FERMT3: variants seen among roughly 807,000 people sequenced by gnomAD.
FERMT3 encodes fermitin family homolog 3.
Under a neutral mutation model 80.8 loss-of-function variants are expected in FERMT3, and 33 were observed. That is an observed-to-expected ratio of 0.41 (90% CI 0.31 to 0.55). FERMT3 has a LOEUF of 0.55. Ranked by LOEUF, FERMT3 falls within the 20% of genes least tolerant of loss-of-function variation. The pLI is 0.31. For missense variants in FERMT3, 754 were observed against 908.7 expected, an observed-to-expected ratio of 0.83 and a Z score of 2.19; for synonymous variants, 375 against 372.2, an observed-to-expected ratio of 1.01 and a Z score of -0.09.
chr11:64,210,856 G>A lies in FERMT3; in HGVS notation c.394+12G>A, dbSNP rs375841962. The A allele has an allele frequency of 8.6e-4, 1,384 of 1,610,646 alleles. No homozygotes were observed. Among genetic ancestry groups the A allele is most frequent in the Non-Finnish European group, 1.1e-3 (1,313 of 1,179,946 alleles). On this transcript the variant is annotated intron_variant, in intron 3 of 14. Transcript: ENST00000345728. This position sits in a 1 kb window ranked among gnomAD's most constrained non-coding sequence, Gnocchi z 4.3. ...CTGCCGCCTCCTCAGTAAGTTGCCCGGCTGATTCCCCTGGCCCACGAGGGT... is the reference window on the plus strand; with the variant it reads ...CTGCCGCCTCCTCAGTAAGTTGCCCAGCTGATTCCCCTGGCCCACGAGGGT...
chr11:64,211,220 C>G lies in FERMT3; in HGVS notation c.514+49C>G, dbSNP rs1192857714. ...TGGGGGGTTGGGGGCAGGGGCCGGCCCGTGAGTCCCAGCCCTGGGGGACAG... is the reference window on the plus strand; with the variant it reads ...TGGGGGGTTGGGGGCAGGGGCCGGCGCGTGAGTCCCAGCCCTGGGGGACAG... On this transcript the variant is annotated intron_variant, in intron 4 of 14. Coordinates refer to ENST00000345728, the MANE Select transcript of FERMT3 (RefSeq NM_031471.6). This position sits in a 1 kb window ranked among gnomAD's most constrained non-coding sequence, Gnocchi z 4.7. 1.2e-6 allele frequency: 2 copies of G among 1,605,642 alleles called. No individual in the cohort carries two copies. The highest frequency in any genetic ancestry group is 1.7e-6 in the Non-Finnish European group (2 of 1,176,882).
In FERMT3 at chr11:64,211,300, G is replaced by A. The variant is rs748359903; in HGVS notation, c.540G>A (p.Gly180=). 6.2e-6 allele frequency: 10 copies of A among 1,613,318 alleles called. No individual in the cohort carries two copies. The South Asian group carries it at 6.6e-5, about 11-fold the overall frequency. The change falls in exon 5 of 15, where the codon GGG becomes GGA. Residue 180 remains glycine (G), a synonymous_variant. Coordinates refer to ENST00000345728, the MANE Select transcript of FERMT3 (RefSeq NM_031471.6). This position sits in a 1 kb window ranked among gnomAD's most constrained non-coding sequence, Gnocchi z 4.7. ...AGGVAPALFR[G]MPAHFSDSAQ... is the part of the protein sequence containing the mutation. ...GCGTGGCACCTGCACTGTTCCGGGG[G>A]ATGCCAGCTCACTTCTCGGACAGCG...
In FERMT3 at chr11:64,213,534, C is replaced by T. The variant is rs191687211; in HGVS notation, c.786+1787C>T. On this transcript the variant is annotated intron_variant, in intron 6 of 14. Transcript: ENST00000345728. ...TCCCAAAGTGCTGGGGTTATAGGAG[C>T]GAGCCACTGCGCCTGGCCTAATTTT... Among the ~76,000 whole-genome samples the T allele has an allele frequency of 3.1e-3, 444 of 144,126 alleles. 1 individual carries two copies. Among genetic ancestry groups the T allele is most frequent in the African/African-American group, 0.011 (411 of 38,668 alleles). 94.6% of individuals were successfully genotyped at this position (144,126 alleles called of 152,430 possible). A position where few individuals can be genotyped will look rare whatever the true frequency, so the allele number is the denominator to read the frequency against.
At chr11:64,214,271 C>T (rs1039224931) in intron 6 of FERMT3, among the ~76,000 whole-genome samples, 19 of 147,354 alleles carry the variant, frequency 1.3e-4, no homozygotes, top group Admixed American at 1.2e-3. Flanking sequence ...CGGATTCAAG[C>T]GATCTCCTGC....
chr11:64,209,493 G>A (rs2134836887), intron 2 of FERMT3, among the ~76,000 whole-genome samples: 1 of 152,298 alleles, frequency 6.6e-6, no homozygotes, highest in African/African-American at 2.4e-5. Flanking sequence ...CTGGGGAAAG[G>A]ACAAGGTAAG....
rs748289124 is a variant in FERMT3 at position 64,220,681 on chromosome 11, C to T, written c.1545+12C>T. Reference sequence around the variant, plus strand: ...TCAAGGCCAAGCAGGTACCAGAAGGCGTCAGGGTGGGAATGAGCATAGTGT... The same window carrying T: ...TCAAGGCCAAGCAGGTACCAGAAGGTGTCAGGGTGGGAATGAGCATAGTGT... On this transcript the variant is annotated intron_variant, in intron 12 of 14. Transcript: ENST00000345728. 23 of 1,601,980 alleles carry T rather than the reference C, an allele frequency of 1.4e-5. No individual in the cohort carries two copies. The highest frequency in any genetic ancestry group is 1.2e-4 in the Admixed American group (7 of 58,810).
chr11:64,206,149 G>A (rs1259244870), upstream of FERMT3, among the ~76,000 whole-genome samples: 4 of 152,226 alleles, frequency 2.6e-5, no homozygotes, highest in African/African-American at 9.6e-5. Flanking sequence ...CCGGGAGGTT[G>A]TGGATGGTCT....
At chr11:64,206,953 C>A in intron 1 of FERMT3, 139 bp downstream of exon 1, 1 of 175,130 alleles carries the variant, frequency 5.7e-6, no homozygotes, top group South Asian at 1.1e-4. Flanking sequence ...GTGATGTTGG[C>A]ATCTGAGCTG....
At position 64,210,605 on chromosome 11, in the gene FERMT3, C is replaced by G. The variant is rs114338405; in HGVS notation, c.161-6C>G. On this transcript the variant is annotated splice_region_variant and splice_polypyrimidine_tract_variant and intron_variant, in intron 2 of 14. Coordinates refer to ENST00000345728, the MANE Select transcript of FERMT3 (RefSeq NM_031471.6). This position sits in a 1 kb window ranked among gnomAD's most constrained non-coding sequence, Gnocchi z 4.3. ...TTGGACCCAGATGTGCCCCCGTGCC[C>G]CACAGATCGCAAGCAGGACTGGTCA... The G allele has an allele frequency of 6.2e-7, 1 of 1,613,440 alleles. No homozygotes were observed. The highest frequency in any genetic ancestry group is 8.5e-7 in the Non-Finnish European group (1 of 1,179,518).
intron 6 of FERMT3, among the ~76,000 whole-genome samples, chr11:64,216,053 C>T (rs919908206): frequency 2.0e-5 from 3 of 151,732 alleles, no homozygotes; most frequent in Non-Finnish European, 4.4e-5. Context: ...GCTGGTCTCA[C>T]ACTCCTGACC....
rs1401182421 is a variant in FERMT3 at position 64,211,985 on chromosome 11, C to T, written c.786+238C>T. Among the ~76,000 whole-genome samples the T allele has an allele frequency of 6.6e-6, 1 of 152,232 alleles. No individual in the cohort carries two copies. Among genetic ancestry groups the T allele is most frequent in the African/African-American group, 2.4e-5 (1 of 41,454 alleles). ...CTGAAGCGGATGAAGACCAGTAAGT[C>T]TCAGTGCCTGTTTCCCAGGGAGCTG... On this transcript the variant is annotated intron_variant, in intron 6 of 14. Transcript: ENST00000345728. The surrounding 1 kb of genome is among the most constrained non-coding windows in gnomAD (Gnocchi z 4.7).
chr11:64,218,569 T>G (rs1412710240), intron 6 of FERMT3, among the ~76,000 whole-genome samples: 1 of 152,100 alleles, frequency 6.6e-6, no homozygotes, highest in African/African-American at 2.4e-5. Flanking sequence ...CCTCCCAAAG[T>G]GCTGGGATTA....
Position 64,211,244 on chromosome 11 carries a change from A to G in FERMT3, c.515-31A>G, listed in dbSNP as rs773308967. 1.2e-5 allele frequency: 19 copies of G among 1,612,306 alleles called. No individual in the cohort carries two copies. The highest frequency in any genetic ancestry group is 4.2e-6 in the Non-Finnish European group (5 of 1,179,714). On this transcript the variant is annotated intron_variant, in intron 4 of 14. Coordinates refer to ENST00000345728, the MANE Select transcript of FERMT3 (RefSeq NM_031471.6). This position sits in a 1 kb window ranked among gnomAD's most constrained non-coding sequence, Gnocchi z 4.7. ...CCCGTGAGTCCCAGCCCTGGGGGAC[A>G]GGCCTGGTTGACTCCCAACCTGCAC...
chr11:64,218,403 A>G (rs1036472963), intron 6 of FERMT3, among the ~76,000 whole-genome samples: 3 of 152,150 alleles, frequency 2.0e-5, no homozygotes, highest in Non-Finnish European at 2.9e-5. Context: ...TCATGGGTTC[A>G]GGTGATTCTC....
intron 13 of FERMT3, among the ~76,000 whole-genome samples, chr11:64,222,025 G>C (rs1362432845): frequency 6.6e-6 from 1 of 151,874 alleles, no homozygotes; most frequent in African/African-American, 2.4e-5. Flanking sequence ...GATTATTTGA[G>C]GTCAGGAGTG....
In FERMT3 at chr11:64,219,626, A is replaced by C. The variant is rs1044835062; in HGVS notation, c.997A>C (p.Lys333Gln). 5 of 1,612,992 alleles carry C rather than the reference A, an allele frequency of 3.1e-6. No homozygotes were observed. Among genetic ancestry groups the C allele is most frequent in the Admixed American group, 1.7e-5 (1 of 59,988 alleles). ...TGTGGCCCTGAGCAACCTGGAGGTG[A>C]AGCTGGAGGGGTCGGCGCCCACAGA... ...LDVALSNLEV[K>Q]LEGSAPTDVL... Residue 333 changes from lysine (K) to glutamine (Q), a missense_variant, in exon 8 of 15, where the codon AAG (lysine) becomes CAG (glutamine). By Grantham distance (53) the Lys-to-Gln change is moderately conservative (BLOSUM62 1). Transcript: ENST00000345728. This position sits in a 1 kb window ranked among gnomAD's most constrained non-coding sequence, Gnocchi z 4.0.
At chr11:64,218,727 T>A (rs1349360487) in intron 6 of FERMT3, among the ~76,000 whole-genome samples, 1 of 152,216 alleles carries the variant, frequency 6.6e-6, no homozygotes, top group Admixed American at 6.5e-5. Context: ...GCCTTCCCAG[T>A]TCCTTTTCTC....
At chr11:64,214,930 A>G (rs1215653461) in intron 6 of FERMT3, among the ~76,000 whole-genome samples, 2 of 150,700 alleles carry the variant, frequency 1.3e-5, no homozygotes, top group East Asian at 3.9e-4. Flanking sequence ...AGCCTCCCAC[A>G]TAGCTGGGAT....
In FERMT3 at chr11:64,223,553, C is replaced by CA; in HGVS notation, c.*61_*62insA. On this transcript the variant is annotated 3_prime_UTR_variant, in exon 15 of 15. Transcript: ENST00000345728. ...TGTCACAGCCACTCCCAAGCCCACA[C>CA]CCACAGGGGCTCACTGCCCCACACC... 6.5e-7 allele frequency: 1 copy of CA among 1,541,836 alleles called. No individual in the cohort carries two copies. Among genetic ancestry groups the CA allele is most frequent in the Non-Finnish European group, 8.7e-7 (1 of 1,143,080 alleles).
Sources: allele counts gnomAD v4.1 joint callset (sites outside exome capture counted in the v4.1 genomes callset), GRCh38; gene constraint gnomAD v4.1.1; non-coding constraint Gnocchi (gnomAD v3.1); transcripts MANE v1.5; gene names NCBI Gene and HGNC (gene_info 2026-07-23, HGNC 2026-07-21).